The following FRMD5 variants were observed in gnomAD, a reference collection of about 807,000 sequenced individuals.
FRMD5 encodes the protein FERM domain-containing protein 5.
Under a neutral mutation model 69.0 loss-of-function variants are expected in FRMD5, and 20 were observed. The ratio of observed to expected loss-of-function variants is 0.29; its 90% CI spans 0.20 to 0.42. FRMD5 has a LOEUF of 0.42. Ranked by LOEUF, FRMD5 falls within the 10% of genes least tolerant of loss-of-function variation. The probability of loss-of-function intolerance (pLI) is 1.00; values close to 1 mark genes in which losing one functional copy is unlikely to be tolerated. For missense variants in FRMD5, 595 were observed against 708.6 expected (o/e 0.84, Z 1.82); for synonymous variants, 271 against 260.1 (o/e 1.04, Z -0.40).
intron 1 of FRMD5, among the ~76,000 whole-genome samples, chr15:44,023,049 G>C (rs905257909): frequency 1.3e-5 from 2 of 152,152 alleles, no homozygotes; most frequent in Admixed American, 1.3e-4. Flanking sequence ...GGAGCTCAGA[G>C]GTCCAGTAGC....
intron 1 of FRMD5, among the ~76,000 whole-genome samples, chr15:43,981,703 C>T (rs1234094803): frequency 1.3e-5 from 2 of 152,186 alleles, no homozygotes; most frequent in African/African-American, 2.4e-5. Context: ...AATTAGAAAC[C>T]TTCTGCTAGA....
chr15:44,062,689 CAAAAAAAAAA>C (rs35998128), intron 1 of FRMD5, among the ~76,000 whole-genome samples: 1 of 118,120 alleles, frequency 8.5e-6, no homozygotes, highest in Non-Finnish European at 1.7e-5. Flanking sequence ...GACTCTGTCT[CAAAAAAAAAA>C]AAAAAAAAGT....
At chr15:43,885,454 G>T (rs2088639674) in intron 11 of FRMD5, among the ~76,000 whole-genome samples, 1 of 152,180 alleles carries the variant, frequency 6.6e-6, no homozygotes, top group South Asian at 2.1e-4. Flanking sequence ...GGGATTATAG[G>T]CATGAGCCAC....
intron 1 of FRMD5, among the ~76,000 whole-genome samples, chr15:44,181,695 A>G (rs1049259778): frequency 6.6e-6 from 1 of 152,090 alleles, no homozygotes; most frequent in Admixed American, 6.6e-5. Context: ...TGAGTCCAGG[A>G]GTTTGAAACC....
At chr15:44,151,852 G>T (rs137991028) in intron 1 of FRMD5, among the ~76,000 whole-genome samples, 1 of 152,176 alleles carries the variant, frequency 6.6e-6, no homozygotes, top group African/African-American at 2.4e-5. Context: ...TCTGATAAGC[G>T]ATTAATGTCC....
chr15:44,004,044 G>A (rs1364457307), intron 1 of FRMD5, among the ~76,000 whole-genome samples: 1 of 152,062 alleles, frequency 6.6e-6, no homozygotes, highest in East Asian at 1.9e-4. Context: ...CCCTATTTTG[G>A]CAGCATGGTT....
At chr15:44,120,520 T>C (rs2140649499) in intron 1 of FRMD5, among the ~76,000 whole-genome samples, 1 of 146,246 alleles carries the variant, frequency 6.8e-6, no homozygotes, top group South Asian at 2.2e-4. Context: ...GTAGGGATTA[T>C]TGGGAAGAGT....
chr15:43,902,046 T>G (rs1219823916), intron 7 of FRMD5, 129 bp downstream of exon 7: 1 of 700,832 alleles, frequency 1.4e-6, no homozygotes, highest in Non-Finnish European at 2.6e-6. Flanking sequence ...GCATTTTCTC[T>G]GATATCTCAC....
At chr15:44,171,795 G>A (rs1201321596) in intron 1 of FRMD5, among the ~76,000 whole-genome samples, 1 of 152,056 alleles carries the variant, frequency 6.6e-6, no homozygotes, top group Non-Finnish European at 1.5e-5. Flanking sequence ...ACAGAGTCTC[G>A]CTCTGTCACT....
At chr15:44,131,406 C>A (rs146863188) in intron 1 of FRMD5, among the ~76,000 whole-genome samples, 17 of 150,234 alleles carry the variant, frequency 1.1e-4, no homozygotes, top group Non-Finnish European at 1.9e-4. Flanking sequence ...AAAAAAAAAT[C>A]AAAATATAAT....
chr15:44,095,142 C>T (rs375633998), intron 1 of FRMD5, among the ~76,000 whole-genome samples: 4 of 151,904 alleles, frequency 2.6e-5, no homozygotes, highest in East Asian at 1.9e-4. Flanking sequence ...ATCAGAATCT[C>T]TATGAGACAG....
chr15:43,943,833 A>C (rs1275828471), intron 1 of FRMD5, among the ~76,000 whole-genome samples: 1 of 152,220 alleles, frequency 6.6e-6, no homozygotes, highest in African/African-American at 2.4e-5. Context: ...GACAGAATAA[A>C]TTTGTTGTTT....
Position 44,194,947 on chromosome 15 carries a change from G to T in FRMD5, c.102+6C>A. ...CGCGGGCGGGGCGGGGCGGCGCGGCGCTGACCTGGATGGTGCAGGTGTACT... is the reference window on the plus strand; with the variant it reads ...CGCGGGCGGGGCGGGGCGGCGCGGCTCTGACCTGGATGGTGCAGGTGTACT... On this transcript the variant is annotated splice_donor_region_variant and intron_variant, in intron 1 of 13. Transcript: ENST00000417257. 1 of 1,522,074 alleles carries T rather than the reference G, an allele frequency of 6.6e-7. No individual in the cohort carries two copies. Among genetic ancestry groups the T allele is most frequent in the East Asian group, 2.5e-5 (1 of 39,268 alleles). The allele number at this position is 1,522,074 out of a possible 1,614,324, so 94.3% of individuals were successfully genotyped here. A position where few individuals can be genotyped will look rare whatever the true frequency, so the allele number is the denominator to read the frequency against.
intron 1 of FRMD5, among the ~76,000 whole-genome samples, chr15:43,937,088 T>C (rs2089773508): frequency 6.6e-6 from 1 of 152,246 alleles, no homozygotes; most frequent in South Asian, 2.1e-4. Flanking sequence ...TAGGATGTTT[T>C]TAACTTTTGG....
chr15:44,090,741 A>G (rs1446380936), intron 1 of FRMD5, among the ~76,000 whole-genome samples: 1 of 152,174 alleles, frequency 6.6e-6, no homozygotes, highest in Admixed American at 6.6e-5. Flanking sequence ...TGCCTGGGCG[A>G]ATAACTGCAA....
chr15:44,087,585 T>C (rs1894253326), intron 1 of FRMD5, among the ~76,000 whole-genome samples: 1 of 152,210 alleles, frequency 6.6e-6, no homozygotes. Context: ...TTTTCCTCAA[T>C]GTCCTTACCT....
chr15:44,138,005 T>C (rs1489837522), intron 1 of FRMD5, among the ~76,000 whole-genome samples: 1 of 152,168 alleles, frequency 6.6e-6, no homozygotes. Context: ...TATGTACTAT[T>C]TACCATTATC....
intron 1 of FRMD5, among the ~76,000 whole-genome samples, chr15:43,992,002 TTAAAC>T (rs1184204973): frequency 6.6e-6 from 1 of 152,208 alleles, no homozygotes; most frequent in Non-Finnish European, 1.5e-5. Context: ...CAGAAACTCT[TTAAAC>T]TATAAGTTAT....
chr15:44,059,352 G>A (rs1362523961), intron 1 of FRMD5, among the ~76,000 whole-genome samples: 1 of 152,158 alleles, frequency 6.6e-6, no homozygotes, highest in Non-Finnish European at 1.5e-5. Context: ...GTCTGCATAG[G>A]TTCTAGAAGG....
Sources: allele counts gnomAD v4.1 joint callset (sites outside exome capture counted in the v4.1 genomes callset), GRCh38; gene constraint gnomAD v4.1.1; transcripts MANE v1.5; gene names NCBI Gene and HGNC (gene_info 2026-07-23, HGNC 2026-07-21).